PCDH18: variants seen among roughly 807,000 people sequenced by gnomAD.
PCDH18 encodes protocadherin-18.
PCDH18 carries 38 observed loss-of-function variants against 71.5 expected under a neutral mutation model. The ratio of observed to expected loss-of-function variants is 0.53; its 90% CI spans 0.41 to 0.70. The LOEUF (loss-of-function observed/expected upper bound fraction) is 0.70, where lower values mean the gene tolerates loss of function less well. PCDH18 is among the 30% of genes least tolerant of loss of function. The pLI, the probability that PCDH18 is intolerant of heterozygous loss-of-function variation, is 0.00. For missense variants in PCDH18, 1,334 were observed against 1,384.6 expected (o/e 0.96, Z 0.58); for synonymous variants, 565 against 505.4 (o/e 1.12, Z -1.58).
chr4:137,526,007 C>T (rs1354802536), intron 3 of PCDH18, among the ~76,000 whole-genome samples: 3 of 151,756 alleles, frequency 2.0e-5, no homozygotes, highest in African/African-American at 4.8e-5. Flanking sequence ...TATTGTTTCG[C>T]CAGTGTCTTT....
chr4:137,522,837 T>A (rs1295824029), intron 3 of PCDH18, among the ~76,000 whole-genome samples: 2 of 152,294 alleles, frequency 1.3e-5, no homozygotes, highest in East Asian at 3.9e-4. Flanking sequence ...TACTGCGGTG[T>A]CACTAGCAAC....
intron 3 of PCDH18, among the ~76,000 whole-genome samples, chr4:137,522,597 G>A (rs931564346): frequency 1.3e-4 from 20 of 152,170 alleles, no homozygotes; most frequent in Non-Finnish European, 2.6e-4. Flanking sequence ...AGGCTGTTCA[G>A]TATTATGATT....
chr4:137,524,000 C>T (rs543657808), intron 3 of PCDH18, among the ~76,000 whole-genome samples: 1 of 152,194 alleles, frequency 6.6e-6, no homozygotes, highest in Admixed American at 6.5e-5. Flanking sequence ...CTTGCAACCT[C>T]ATTGATATTG....
intron 3 of PCDH18, among the ~76,000 whole-genome samples, chr4:137,524,964 A>T (rs1243753401): frequency 6.6e-5 from 10 of 152,172 alleles, no homozygotes; most frequent in Non-Finnish European, 8.8e-5. Context: ...GATACCTGCC[A>T]TGAGAAAGGA....
At chr4:137,526,005 C>T (rs62330465) in intron 3 of PCDH18, among the ~76,000 whole-genome samples, 31,325 of 151,620 alleles carry the variant, frequency 0.21, 3,523 homozygotes, top group East Asian at 0.35. Context: ...CCTATTGTTT[C>T]GCCAGTGTCT....
intron 3 of PCDH18, among the ~76,000 whole-genome samples, chr4:137,527,538 T>G (rs1731508450): frequency 6.6e-6 from 1 of 152,198 alleles, no homozygotes; most frequent in Non-Finnish European, 1.5e-5. Context: ...TGAGGCTCCC[T>G]CATGTTTATT....
chr4:137,523,335 C>T (rs1390795585), intron 3 of PCDH18, among the ~76,000 whole-genome samples: 2 of 145,656 alleles, frequency 1.4e-5, no homozygotes, highest in African/African-American at 4.9e-5. Flanking sequence ...GAAATGTTTA[C>T]CAACTTTTTT....
In PCDH18 at chr4:137,521,043, C is replaced by A; in HGVS notation, c.3394G>T (p.Val1132Phe). 6.3e-7 allele frequency: 1 copy of A among 1,587,114 alleles called. No homozygotes were observed. Among genetic ancestry groups the A allele is most frequent in the South Asian group, 1.1e-5 (1 of 88,414 alleles). The change falls in exon 4 of 4, where the codon GTC becomes TTC. Residue 1132 changes from valine to phenylalanine, a missense_variant. Val to Phe is a conservative substitution (Grantham distance 50). Around this residue, in one of 3 missense-constraint regions of PCDH18, gnomAD observed 319 missense variants for 316.3 expected, o/e 1.01. Coordinates refer to ENST00000344876, the MANE Select transcript of PCDH18 (RefSeq NM_019035.5). Reference protein sequence around the residue: ...VAEINKLLQDVRQS With the variant: ...VAEINKLLQDFRQS The stretch of plus-strand genomic sequence containing the variant: ...GCTAAAATCTCCTAGCTCTGGCGGA[C>A]ATCTTGAAGCAGTTTGTTAATCTCT...
At position 137,528,658 on chromosome 4, in the gene PCDH18, C is replaced by CA. The variant is rs763208314; in HGVS notation, c.2577-18dup. The CA allele has an allele frequency of 7.8e-5, 125 of 1,605,846 alleles. No individual in the cohort carries two copies. The highest frequency in any genetic ancestry group is 5.7e-4 in the South Asian group (52 of 90,592). Reference sequence around the variant, plus strand: ...AGGGCATATCTGGAAAGATAAATCACAAAAAAAAATTACAGTTTTTACTCT... The same window carrying CA: ...AGGGCATATCTGGAAAGATAAATCACAAAAAAAAAATTACAGTTTTTACTCT... On this transcript the variant is annotated splice_polypyrimidine_tract_variant and intron_variant, in intron 2 of 3. Coordinates refer to ENST00000344876, the MANE Select transcript of PCDH18 (RefSeq NM_019035.5).
chr4:137,531,903 A>G lies in PCDH18; in HGVS notation c.186T>C (p.Ser62=). ...ADVLLKLPNP[S]TVRFRAMQRG... is the part of the protein sequence containing the mutation. ...TCTGCATGGCTCGAAATCGAACAGTAGAAGGATTAGGAAGCTTCAATAAAA... is the reference window on the plus strand; with the variant it reads ...TCTGCATGGCTCGAAATCGAACAGTGGAAGGATTAGGAAGCTTCAATAAAA... The change falls in exon 1 of 4, where the codon TCT becomes TCC. Residue 62 remains serine, a synonymous_variant. Transcript: ENST00000344876. 6.2e-7 allele frequency: 1 copy of G among 1,614,094 alleles called. No homozygotes were observed. The highest frequency in any genetic ancestry group is 8.5e-7 in the Non-Finnish European group (1 of 1,179,990).
At position 137,530,658 on chromosome 4, in the gene PCDH18, A is replaced by C; in HGVS notation, c.1431T>G (p.Asn477Lys). 2 of 1,613,186 alleles carry C rather than the reference A, an allele frequency of 1.2e-6. No individual in the cohort carries two copies. Among genetic ancestry groups the C allele is most frequent in the Non-Finnish European group, 1.7e-6 (2 of 1,179,692 alleles). Residue 477 changes from asparagine (N) to lysine (K), a missense_variant, in exon 1 of 4, where the codon AAT (asparagine) becomes AAG (lysine). This residue lies in a region of PCDH18 where 1,011 missense variants were observed against 1,048.0 expected (regional missense o/e 0.96). Transcript: ENST00000344876. ...RSRYEFVISENNSPGAYITTV... is the reference protein window; with the variant it reads ...RSRYEFVISEKNSPGAYITTV... ...TGGTGATATATGCCCCTGGTGAGTTATTTTCTGAAATTACAAATTCATATC... is the reference window on the plus strand; with the variant it reads ...TGGTGATATATGCCCCTGGTGAGTTCTTTTCTGAAATTACAAATTCATATC...
At chr4:137,529,325 G>A in intron 1 of PCDH18, 1 of 323,688 alleles carries the variant, frequency 3.1e-6, no homozygotes, top group Admixed American at 4.3e-5. Flanking sequence ...TTTAATCTGG[G>A]AAGCAAGGGG....
intron 3 of PCDH18, among the ~76,000 whole-genome samples, chr4:137,527,073 A>G (rs2149214039): frequency 6.6e-6 from 1 of 152,164 alleles, no homozygotes; most frequent in South Asian, 2.1e-4. Context: ...GCCTGGAGTA[A>G]ACCTGGGGGC....
Position 137,530,446 on chromosome 4 carries a change from C to T in PCDH18, c.1643G>A (p.Arg548Lys), listed in dbSNP as rs779179850. ...VSQITFVVEA[R>K]DGGSPKQLVS... ...CAGTTGCTTCGGGCTTCCTCCATCT[C>T]TTGCTTCTACCACAAAAGTGATCTG... The change falls in exon 1 of 4, where the codon AGA becomes AAA. Residue 548 changes from arginine (R) to lysine (K), a missense_variant. Physicochemically the swap from Arg to Lys is conservative, Grantham distance 26 (BLOSUM62 2). Transcript: ENST00000344876. 1.2e-5 allele frequency: 20 copies of T among 1,614,002 alleles called. No individual in the cohort carries two copies. The highest frequency in any genetic ancestry group is 1.4e-5 in the Non-Finnish European group (17 of 1,180,008).
intron 3 of PCDH18, among the ~76,000 whole-genome samples, chr4:137,522,328 A>C (rs1479431248): frequency 3.9e-5 from 6 of 152,180 alleles, no homozygotes; most frequent in African/African-American, 1.4e-4. Context: ...ATTTATATTC[A>C]AATATGTGAA....
chr4:137,519,712 A>AT lies in PCDH18; in HGVS notation c.*1316dup, dbSNP rs1361052676. 4 of 152,214 alleles carry AT rather than the reference A, an allele frequency of 2.6e-5. No individual in the cohort carries two copies. Among genetic ancestry groups the AT allele is most frequent in the South Asian group, 4.1e-4 (2 of 4,820 alleles). The allele number at this position is 152,214 out of a possible 1,614,324, so 9.4% of individuals were successfully genotyped here. ...TAGACAGTTCCTTAGCTTTACTTTA[A>AT]TTTTTCTTTTATTTTCACTGACAGA... On this transcript the variant is annotated 3_prime_UTR_variant, in exon 4 of 4. Coordinates refer to ENST00000344876, the MANE Select transcript of PCDH18 (RefSeq NM_019035.5).
In PCDH18 at chr4:137,520,832, A is replaced by G. The variant is rs1213735921; in HGVS notation, c.*197T>C. 4.2e-6 allele frequency: 2 copies of G among 479,510 alleles called. No homozygotes were observed. Among genetic ancestry groups the G allele is most frequent in the Non-Finnish European group, 7.3e-6 (2 of 273,708 alleles). The allele number at this position is 479,510 out of a possible 1,614,324, so 29.7% of individuals were successfully genotyped here. ...ACACATAAATATAAGGTACAAATGT[A>G]TTTTTAAAATACAGATTAAAATAAT... On this transcript the variant is annotated 3_prime_UTR_variant, in exon 4 of 4. Transcript: ENST00000344876.
At position 137,521,451 on chromosome 4, in the gene PCDH18, T is replaced by C. The variant is rs1217301699; in HGVS notation, c.2986A>G (p.Thr996Ala). Residue 996 changes from threonine (T) to alanine (A), a missense_variant, in exon 4 of 4, where the codon ACT becomes GCT. By Grantham distance (58) the Thr-to-Ala change is moderately conservative. Coordinates refer to ENST00000344876, the MANE Select transcript of PCDH18 (RefSeq NM_019035.5). ...AGAGATGATGTGCTGGTATCCCCAG[T>C]GTCCTCATCGTTTGGGGAGTCCTTT... is the stretch of plus-strand genomic sequence containing the variant. ...FGKDSPNDED[T>A]GDTSTSSLLS... 4 of 1,614,060 alleles carry C rather than the reference T, an allele frequency of 2.5e-6. No individual in the cohort carries two copies. Among genetic ancestry groups the C allele is most frequent in the African/African-American group, 1.3e-5 (1 of 74,932 alleles).
intron 3 of PCDH18, among the ~76,000 whole-genome samples, chr4:137,524,557 AGAT>A (rs1250607827): frequency 4.6e-5 from 7 of 152,184 alleles, no homozygotes; most frequent in African/African-American, 1.7e-4. Context: ...AAACTTTGAA[AGAT>A]GAATAGGATT....
Sources: gnomAD v4.1 joint callset for allele counts (sites outside exome capture counted in the v4.1 genomes callset) on GRCh38, gnomAD v4.1.1 for gene constraint, gnomAD v4.1.1 regional missense constraint, MANE v1.5 for transcripts, NCBI Gene and HGNC (gene_info 2026-07-23, HGNC 2026-07-21) for gene names.